The following EHD4 variants were observed in gnomAD, a reference collection of about 807,000 sequenced individuals.
EHD4 encodes EH domain containing 4.
Under a neutral mutation model 51.0 loss-of-function variants are expected in EHD4, and 37 were observed. That is an observed-to-expected ratio of 0.73 (90% CI 0.56 to 0.95). The LOEUF (loss-of-function observed/expected upper bound fraction) is 0.95. EHD4 is among the 40% of genes least tolerant of loss of function. The pLI is 0.00. For synonymous variants in EHD4, 297 were observed against 317.3 expected (o/e 0.94, Z 0.68); for missense variants, 632 against 733.1 (o/e 0.86, Z 1.59).
In EHD4 at chr15:41,918,269, C is replaced by A. The variant is rs186127512; in HGVS notation, c.924+941G>T. Among the ~76,000 whole-genome samples the A allele has an allele frequency of 2.6e-5, 4 of 151,818 alleles. No individual in the cohort carries two copies. In the East Asian group the frequency reaches 7.7e-4, roughly 29 times the overall value. On this transcript the variant is annotated intron_variant, in intron 4 of 5. Transcript: ENST00000220325. ...GCGCATGTTTACACACATGCATATT[C>A]ACACAAGGCCATGTGTGCACGCACA... is the stretch of plus-strand genomic sequence containing the variant.
rs968127735 is a variant in EHD4, at chr15:41,901,043, G to A, written c.1228C>T (p.Gln410Ter). The A allele has an allele frequency of 1.2e-6, 2 of 1,612,330 alleles. No homozygotes were observed. Among genetic ancestry groups the A allele is most frequent in the African/African-American group, 2.7e-5 (2 of 74,926 alleles). The stretch of plus-strand genomic sequence containing the variant: ...TCGAAGGCGCCGCCCTGCACCAGCT[G>A]CGTGGGCGTGCTCGTCTCCTCCTGG... ...ISQEETSTPT[Q>*]LVQGGAFDGT... is the part of the protein sequence containing the mutation. Residue 410 changes from glutamine (Q) to a stop codon, truncating the protein, a stop_gained, in exon 6 of 6, where the codon CAG becomes TAG. Coordinates refer to ENST00000220325, the MANE Select transcript of EHD4 (RefSeq NM_139265.4). LOFTEE classifies it high-confidence loss of function.
rs530933574 is a variant in EHD4 at position 41,899,751 on chromosome 15, GC to G, written c.*893del. On this transcript the variant is annotated 3_prime_UTR_variant, in exon 6 of 6. Coordinates refer to ENST00000220325, the MANE Select transcript of EHD4 (RefSeq NM_139265.4). ...TTGAGGGCCACACTAAACGATCACT[GC>G]AGAGAACCACCTCTTTTCTTTACTG... 8 of 152,320 alleles carry G rather than the reference GC, an allele frequency of 5.3e-5. No homozygotes were observed. The South Asian group carries it at 1.7e-3, about 32-fold the overall frequency. The allele number at this position is 152,320 out of a possible 1,614,324, so 9.4% of individuals were successfully genotyped here.
chr15:41,951,700 C>T (rs953579372), intron 2 of EHD4, among the ~76,000 whole-genome samples: 9 of 152,290 alleles, frequency 5.9e-5, no homozygotes, highest in Admixed American at 1.3e-4. Flanking sequence ...AGATCCTGTG[C>T]CTTGAACTTT....
chr15:41,944,532 C>T (rs1003170363), intron 2 of EHD4, among the ~76,000 whole-genome samples: 7 of 152,198 alleles, frequency 4.6e-5, no homozygotes, highest in African/African-American at 1.7e-4. Flanking sequence ...CATGTGGACA[C>T]CACAGCCCTG....
chr15:41,961,821 T>C (rs944434268), intron 1 of EHD4, among the ~76,000 whole-genome samples: 1 of 152,174 alleles, frequency 6.6e-6, no homozygotes. Flanking sequence ...TACTTCCTGG[T>C]ATTATGAAAT....
chr15:41,901,837 G>A (rs961027659), intron 5 of EHD4, among the ~76,000 whole-genome samples: 6 of 152,172 alleles, frequency 3.9e-5, no homozygotes, highest in Non-Finnish European at 8.8e-5. Context: ...CACCAAGTAC[G>A]GCCTGACCAG....
intron 3 of EHD4, among the ~76,000 whole-genome samples, chr15:41,939,156 A>G (rs1193123117): frequency 6.6e-6 from 1 of 152,218 alleles, no homozygotes; most frequent in African/African-American, 2.4e-5. Context: ...TTACCCACAC[A>G]CTTCAAGAAA....
At chr15:41,959,961 C>CAAAA (rs575509600) in intron 1 of EHD4, among the ~76,000 whole-genome samples, 1 of 58,022 alleles carries the variant, frequency 1.7e-5, no homozygotes, top group Non-Finnish European at 3.7e-5. Flanking sequence ...GACTCCACCT[C>CAAAA]AAAAAAAAAA....
At chr15:41,959,078 T>C (rs1393081047) in intron 1 of EHD4, among the ~76,000 whole-genome samples, 2 of 152,330 alleles carry the variant, frequency 1.3e-5, no homozygotes, top group East Asian at 3.9e-4. Context: ...ATTTTTAAAT[T>C]ATCAAGCCAA....
At chr15:41,908,313 A>C (rs2067525874) in intron 5 of EHD4, 1 of 152,204 alleles carries the variant, frequency 6.6e-6, no homozygotes, top group Non-Finnish European at 1.5e-5. Flanking sequence ...AATTTATATA[A>C]AGCTTGCATT....
chr15:41,968,961 A>G (rs965887125), intron 1 of EHD4, among the ~76,000 whole-genome samples: 1 of 152,228 alleles, frequency 6.6e-6, no homozygotes, highest in Non-Finnish European at 1.5e-5. Context: ...GCATGCGGCT[A>G]TCCAGTTGTC....
intron 2 of EHD4, among the ~76,000 whole-genome samples, chr15:41,952,057 G>T (rs1827580726): frequency 6.6e-6 from 1 of 152,230 alleles, no homozygotes; most frequent in Non-Finnish European, 1.5e-5. Context: ...TCATCAAAAA[G>T]CCCCTAATGG....
chr15:41,922,881 GT>G (rs2140990161), intron 3 of EHD4, among the ~76,000 whole-genome samples: 1 of 152,310 alleles, frequency 6.6e-6, no homozygotes, highest in South Asian at 2.1e-4. Flanking sequence ...GCAGAGCTGT[GT>G]TTGTTCTGTC....
intron 1 of EHD4, among the ~76,000 whole-genome samples, chr15:41,965,842 T>A (rs1181560076): frequency 6.6e-6 from 1 of 152,114 alleles, no homozygotes; most frequent in African/African-American, 2.4e-5. Context: ...TTGCTGCTTG[T>A]CAGGTGGATG....
At chr15:41,924,005 G>C (rs74851414) in intron 3 of EHD4, among the ~76,000 whole-genome samples, 1 of 152,178 alleles carries the variant, frequency 6.6e-6, no homozygotes, top group Non-Finnish European at 1.5e-5. Flanking sequence ...ATTACTTAAC[G>C]TTAAGCTCCA....
Position 41,928,042 on chromosome 15 carries a change from GTA to G in EHD4, c.512-8422_512-8421del. Among the ~76,000 whole-genome samples, 4 of 152,222 alleles carry G rather than the reference GTA, an allele frequency of 2.6e-5. No individual in the cohort carries two copies. The East Asian group carries it at 7.7e-4, about 29-fold the overall frequency. On this transcript the variant is annotated intron_variant, in intron 3 of 5. Transcript: ENST00000220325. Reference sequence around the variant, plus strand: ...ACATCAACTATCTGGGATCGCTCAGGTATTATAAATACACTTCGAAAAGAGTC... The same window carrying G: ...ACATCAACTATCTGGGATCGCTCAGGTTATAAATACACTTCGAAAAGAGTC...
chr15:41,927,324 A>G (rs947740969), intron 3 of EHD4, among the ~76,000 whole-genome samples: 12 of 152,240 alleles, frequency 7.9e-5, no homozygotes, highest in African/African-American at 2.9e-4. Flanking sequence ...AACTGAAATC[A>G]GGACTTTGAA....
At chr15:41,947,338 TAGG>T (rs907804245) in intron 2 of EHD4, among the ~76,000 whole-genome samples, 2 of 151,964 alleles carry the variant, frequency 1.3e-5, no homozygotes, top group Admixed American at 1.3e-4. Context: ...GAACAGGAGG[TAGG>T]AGATTTAGGC....
chr15:41,902,336 C>T (rs2067483126), intron 5 of EHD4, among the ~76,000 whole-genome samples: 1 of 152,086 alleles, frequency 6.6e-6, no homozygotes, highest in Non-Finnish European at 1.5e-5. Flanking sequence ...ACCATCCATC[C>T]ATTCAACCAA....
Sources: gnomAD v4.1 joint callset for allele counts (sites outside exome capture counted in the v4.1 genomes callset) on GRCh38, gnomAD v4.1.1 for gene constraint, MANE v1.5 for transcripts, NCBI Gene and HGNC (gene_info 2026-07-23, HGNC 2026-07-21) for gene names.